Variants in NKAIN2 observed in about 807,000 individuals in gnomAD.
The protein encoded by NKAIN2 is sodium/potassium-transporting ATPase subunit beta-1-interacting protein 2.
A neutral mutation model predicts 32.6 loss-of-function variants in NKAIN2; 14 were observed. That is an observed-to-expected ratio of 0.43 (90% CI 0.28 to 0.67). The LOEUF (loss-of-function observed/expected upper bound fraction) is 0.67, where lower values mean the gene tolerates loss of function less well. NKAIN2 is among the 30% of genes least tolerant of loss of function. The pLI is 0.17. For missense variants in NKAIN2, 198 were observed against 258.3 expected (o/e 0.77, Z 1.60); for synonymous variants, 80 against 87.2 (o/e 0.92, Z 0.46).
intron 1 of NKAIN2, among the ~76,000 whole-genome samples, chr6:124,070,321 TA>T (rs1783390960): frequency 6.6e-6 from 1 of 152,206 alleles, no homozygotes; most frequent in South Asian, 2.1e-4. Context: ...GCTGTGTGTA[TA>T]ATTCTTTACA....
chr6:124,400,844 A>G (rs1773595206), intron 3 of NKAIN2, among the ~76,000 whole-genome samples: 1 of 152,190 alleles, frequency 6.6e-6, no homozygotes, highest in Admixed American at 6.5e-5. Context: ...TCTCCTAATC[A>G]GTACACTATT....
chr6:124,128,213 G>T (rs1277907786), intron 1 of NKAIN2, among the ~76,000 whole-genome samples: 1 of 152,148 alleles, frequency 6.6e-6, no homozygotes, highest in Non-Finnish European at 1.5e-5. Flanking sequence ...CTCACCTAAG[G>T]ACATCTGATG....
intron 1 of NKAIN2, among the ~76,000 whole-genome samples, chr6:124,247,646 G>A (rs1429610544): frequency 3.3e-5 from 5 of 152,096 alleles, no homozygotes; most frequent in Admixed American, 6.6e-5. Context: ...AGTACTGCAA[G>A]TGTTGTGAAG....
chr6:123,806,768 A>G (rs1773234170), intron 1 of NKAIN2, among the ~76,000 whole-genome samples: 1 of 152,020 alleles, frequency 6.6e-6, no homozygotes, highest in Non-Finnish European at 1.5e-5. Context: ...GTAACTGTAC[A>G]GGAAAAAAGG....
intron 2 of NKAIN2, among the ~76,000 whole-genome samples, chr6:124,323,003 A>G (rs973975475): frequency 6.6e-6 from 1 of 152,136 alleles, no homozygotes; most frequent in African/African-American, 2.4e-5. Flanking sequence ...TTGTAGCCTT[A>G]ATTTGCATTT....
intron 2 of NKAIN2, among the ~76,000 whole-genome samples, chr6:124,331,678 C>A (rs368067883): frequency 6.6e-6 from 1 of 152,168 alleles, no homozygotes; most frequent in South Asian, 2.1e-4. Flanking sequence ...TGTGGCCCTG[C>A]ATTTGCAAGA....
chr6:124,087,890 A>C (rs994618606), intron 1 of NKAIN2, among the ~76,000 whole-genome samples: 1 of 152,028 alleles, frequency 6.6e-6, no homozygotes, highest in African/African-American at 2.4e-5. Context: ...GCCAGTTAAC[A>C]TTCCGAAAAT....
intron 1 of NKAIN2, among the ~76,000 whole-genome samples, chr6:123,944,256 G>A (rs12196932): frequency 2.0e-5 from 3 of 151,830 alleles, no homozygotes; most frequent in African/African-American, 4.8e-5. Flanking sequence ...CAACCTGGTA[G>A]GAATTAGGAT....
At chr6:124,427,464 A>G (rs1165730172) in intron 3 of NKAIN2, among the ~76,000 whole-genome samples, 1 of 152,214 alleles carries the variant, frequency 6.6e-6, no homozygotes, top group African/African-American at 2.4e-5. Context: ...TTTAAATATA[A>G]GAAATATTAT....
chr6:124,570,253 G>A (rs1467364196), intron 3 of NKAIN2, among the ~76,000 whole-genome samples: 2 of 152,146 alleles, frequency 1.3e-5, no homozygotes, highest in Non-Finnish European at 2.9e-5. Context: ...TGCAATCTGA[G>A]GATGCAGTAG....
chr6:124,661,107 G>A (rs892770396), intron 4 of NKAIN2, among the ~76,000 whole-genome samples: 1 of 152,168 alleles, frequency 6.6e-6, no homozygotes, highest in African/African-American at 2.4e-5. Flanking sequence ...TGACCTTGAG[G>A]CTGTCACAGT....
Position 123,932,607 on chromosome 6 carries a change from C to T in NKAIN2, c.54+128353C>T, listed in dbSNP as rs550892605. ...AATTTTTTCTATTTTTTAGTAGAGACGGGGTTTCACCGTGTTAGCCAGGAT... is the reference window on the plus strand; with the variant it reads ...AATTTTTTCTATTTTTTAGTAGAGATGGGGTTTCACCGTGTTAGCCAGGAT... On this transcript the variant is annotated intron_variant, in intron 1 of 6. Transcript: ENST00000368417. 2.8e-3 allele frequency among the ~76,000 whole-genome samples: 426 copies of T among 151,692 alleles called. 2 individuals are homozygous for T. The highest frequency in any genetic ancestry group is 9.7e-3 in the African/African-American group (401 of 41,346).
chr6:124,316,414 G>A (rs1488297506), intron 2 of NKAIN2, among the ~76,000 whole-genome samples: 1 of 152,048 alleles, frequency 6.6e-6, no homozygotes, highest in Non-Finnish European at 1.5e-5. Context: ...TGGATCCATG[G>A]TTAGGATCAG....
intron 3 of NKAIN2, among the ~76,000 whole-genome samples, chr6:124,631,254 G>C (rs1353557329): frequency 1.3e-5 from 2 of 152,112 alleles, no homozygotes; most frequent in Non-Finnish European, 2.9e-5. Context: ...CAGTATTTAA[G>C]AGCTCAAATG....
intron 3 of NKAIN2, among the ~76,000 whole-genome samples, chr6:124,572,190 TCTTAA>T (rs1366102441): frequency 6.6e-6 from 1 of 152,160 alleles, no homozygotes; most frequent in East Asian, 1.9e-4. Context: ...CTATTTAGGC[TCTTAA>T]CTTATTGAAT....
chr6:124,710,066 T>G (rs1389982933), intron 4 of NKAIN2, among the ~76,000 whole-genome samples: 7 of 152,082 alleles, frequency 4.6e-5, no homozygotes, highest in African/African-American at 9.7e-5. Flanking sequence ...ACATCTTTAT[T>G]TCTGCCTTCA....
chr6:124,391,716 A>G (rs1275253787), intron 3 of NKAIN2, among the ~76,000 whole-genome samples: 1 of 152,174 alleles, frequency 6.6e-6, no homozygotes, highest in Non-Finnish European at 1.5e-5. Flanking sequence ...TTCCCAGAGG[A>G]TGTTCAAAGA....
At chr6:124,345,350 A>G (rs533343425) in intron 2 of NKAIN2, among the ~76,000 whole-genome samples, 1 of 152,070 alleles carries the variant, frequency 6.6e-6, no homozygotes, top group Admixed American at 6.5e-5. Context: ...GGCCTCATAA[A>G]ATGAGTTAGG....
At chr6:124,281,736 C>A (rs1411094328) in intron 1 of NKAIN2, among the ~76,000 whole-genome samples, 2 of 152,220 alleles carry the variant, frequency 1.3e-5, no homozygotes, top group East Asian at 3.9e-4. Context: ...GATGGGAAAA[C>A]GTGCTACTCA....
Sources: allele counts gnomAD v4.1 joint callset (sites outside exome capture counted in the v4.1 genomes callset), GRCh38; gene constraint gnomAD v4.1.1; transcripts MANE v1.5; gene names NCBI Gene and HGNC (gene_info 2026-07-23, HGNC 2026-07-21).